Variants in MEF2A observed in about 807,000 individuals in gnomAD.
The protein encoded by MEF2A is myocyte enhancer factor 2A, also known as myocyte-specific enhancer factor 2A.
MEF2A carries 28 observed loss-of-function variants against 55.8 expected under a neutral mutation model. That is an observed-to-expected ratio of 0.50 (90% CI 0.37 to 0.69). MEF2A has a LOEUF of 0.69. Among genes scored for constraint, MEF2A ranks in the 30% least tolerant of loss-of-function variants. The probability of loss-of-function intolerance (pLI) is 0.00; values close to 1 mark genes in which losing one functional copy is unlikely to be tolerated. For synonymous variants in MEF2A, 239 were observed against 227.1 expected (o/e 1.05, Z -0.47); for missense variants, 528 against 626.2 (o/e 0.84, Z 1.67).
intron 1 of MEF2A, among the ~76,000 whole-genome samples, chr15:99,572,042 G>A (rs1962572300): frequency 7.3e-6 from 1 of 136,782 alleles, no homozygotes; most frequent in Non-Finnish European, 1.5e-5. Context: ...TCTTCACACA[G>A]CAGCCTGAGA....
In MEF2A at chr15:99,703,300, TTTTG is replaced by T. The variant is rs573670569; in HGVS notation, c.859-56_859-53del. On this transcript the variant is annotated intron_variant, in intron 8 of 11. Coordinates refer to ENST00000557942, the MANE Select transcript of MEF2A (RefSeq NM_001319206.4). ...CAAATATGTTTTTTCTAAAGAAATA[TTTTG>T]TTTGTGAGTACCAACAGTCTTAGTA... 22 of 1,550,128 alleles carry T rather than the reference TTTTG, an allele frequency of 1.4e-5. No homozygotes were observed. In the South Asian group the frequency reaches 2.4e-4, roughly 17 times the overall value.
chr15:99,642,180 T>C (rs1301605389), intron 3 of MEF2A, among the ~76,000 whole-genome samples: 2 of 152,180 alleles, frequency 1.3e-5, no homozygotes, highest in Non-Finnish European at 2.9e-5. Context: ...AGATTTGGTC[T>C]TCTGACTTTG....
At chr15:99,624,196 A>G (rs2041714483) in intron 2 of MEF2A, among the ~76,000 whole-genome samples, 1 of 152,200 alleles carries the variant, frequency 6.6e-6, no homozygotes, top group African/African-American at 2.4e-5. Context: ...TTTTGATAAA[A>G]TGTAGTTTTT....
chr15:99,611,675 A>G (rs1977339406), intron 2 of MEF2A, among the ~76,000 whole-genome samples: 1 of 152,258 alleles, frequency 6.6e-6, no homozygotes, highest in African/African-American at 2.4e-5. Flanking sequence ...CTAGCGATAT[A>G]TCTGGTAGAA....
intron 3 of MEF2A, among the ~76,000 whole-genome samples, chr15:99,641,969 GT>G (rs1228781863): frequency 6.6e-6 from 1 of 151,854 alleles, no homozygotes; most frequent in Non-Finnish European, 1.5e-5. Context: ...CAGATGACTG[GT>G]TTTTTTTGTT....
chr15:99,623,871 G>A (rs930091296), intron 2 of MEF2A, among the ~76,000 whole-genome samples: 21 of 151,226 alleles, frequency 1.4e-4, no homozygotes, highest in Non-Finnish European at 2.5e-4. Context: ...GCAATGGTGC[G>A]ATCATGGCTC....
chr15:99,709,389 G>A (rs1435228210), intron 10 of MEF2A, among the ~76,000 whole-genome samples: 2 of 152,222 alleles, frequency 1.3e-5, no homozygotes, highest in Non-Finnish European at 2.9e-5. Context: ...TTGGAGTGGC[G>A]TCCAAATGGA....
chr15:99,657,825 G>T (rs988834142), intron 4 of MEF2A, among the ~76,000 whole-genome samples: 3 of 152,098 alleles, frequency 2.0e-5, no homozygotes, highest in African/African-American at 7.2e-5. Context: ...GGGGAAAGAA[G>T]AGAACACGAA....
intron 8 of MEF2A, among the ~76,000 whole-genome samples, chr15:99,702,088 T>TA (rs1386504238): frequency 1.3e-5 from 2 of 152,260 alleles, no homozygotes; most frequent in Admixed American, 1.3e-4. Flanking sequence ...GCTATAATGT[T>TA]AGACAGTATA....
intron 2 of MEF2A, among the ~76,000 whole-genome samples, chr15:99,608,824 C>A (rs902441808): frequency 1.3e-5 from 2 of 151,858 alleles, no homozygotes; most frequent in Non-Finnish European, 2.9e-5. Flanking sequence ...TCACTTGAAC[C>A]CGAGATGTGG....
chr15:99,657,726 A>G (rs1417077206), intron 4 of MEF2A, among the ~76,000 whole-genome samples: 1 of 152,132 alleles, frequency 6.6e-6, no homozygotes, highest in Admixed American at 6.6e-5. Flanking sequence ...AAAACCCTTT[A>G]AACTGGGGCC....
chr15:99,708,340 G>C (rs1391262951), intron 10 of MEF2A, among the ~76,000 whole-genome samples: 1 of 152,102 alleles, frequency 6.6e-6, no homozygotes, highest in Non-Finnish European at 1.5e-5. Context: ...GCTTGAACTG[G>C]GTGTCAGATT....
intron 1 of MEF2A, among the ~76,000 whole-genome samples, chr15:99,589,472 T>C (rs1567172721): frequency 1.3e-5 from 2 of 152,134 alleles, no homozygotes; most frequent in East Asian, 1.9e-4. Flanking sequence ...CTTTAATTGA[T>C]TTTATCTAGT....
chr15:99,569,666 G>A (rs532022254), intron 1 of MEF2A, among the ~76,000 whole-genome samples: 1 of 152,228 alleles, frequency 6.6e-6, no homozygotes, highest in East Asian at 1.9e-4. Flanking sequence ...CTAAGATATA[G>A]TATTTGAAAT....
At chr15:99,680,921 T>C (rs780999142) in intron 7 of MEF2A, among the ~76,000 whole-genome samples, 16 of 152,250 alleles carry the variant, frequency 1.1e-4, no homozygotes, top group Non-Finnish European at 1.8e-4. Context: ...CATTGTCATC[T>C]GTGCAAATAA....
intron 1 of MEF2A, among the ~76,000 whole-genome samples, chr15:99,582,949 C>T (rs1346913051): frequency 6.6e-6 from 1 of 152,096 alleles, no homozygotes; most frequent in Non-Finnish European, 1.5e-5. Context: ...CCCCAGTTCT[C>T]TTCCACGGAA....
chr15:99,622,940 TCCACCC>T (rs2041467827), intron 2 of MEF2A, among the ~76,000 whole-genome samples: 1 of 152,020 alleles, frequency 6.6e-6, no homozygotes, highest in Non-Finnish European at 1.5e-5. Flanking sequence ...GACCTCATGA[TCCACCC>T]GCCTCGGCCT....
chr15:99,595,139 T>C (rs1292753874), intron 1 of MEF2A, among the ~76,000 whole-genome samples: 1 of 152,182 alleles, frequency 6.6e-6, no homozygotes, highest in African/African-American at 2.4e-5. Flanking sequence ...GGAAGTTGCT[T>C]CTTTAGTATT....
chr15:99,657,895 G>A (rs1271546543), intron 4 of MEF2A, among the ~76,000 whole-genome samples: 3 of 152,112 alleles, frequency 2.0e-5, no homozygotes, highest in African/African-American at 7.2e-5. Flanking sequence ...GTGTGGAATC[G>A]TAGTTCCAAG....
Sources: allele counts gnomAD v4.1 joint callset (sites outside exome capture counted in the v4.1 genomes callset), GRCh38; gene constraint gnomAD v4.1.1; transcripts MANE v1.5; gene names NCBI Gene and HGNC (gene_info 2026-07-23, HGNC 2026-07-21).